BRINP1: variants seen among roughly 807,000 people sequenced by gnomAD.
BRINP1 encodes BMP/retinoic acid-inducible neural-specific protein 1.
Under a neutral mutation model 72.9 loss-of-function variants are expected in BRINP1, and 17 were observed. That is an observed-to-expected ratio of 0.23 (90% CI 0.16 to 0.35). BRINP1 has a LOEUF of 0.35. Among genes scored for constraint, BRINP1 ranks in the 10% least tolerant of loss-of-function variants. The pLI is 1.00. For missense variants in BRINP1, 850 were observed against 1,001.6 expected, an observed-to-expected ratio of 0.85 and a Z score of 2.04; for synonymous variants, 418 against 378.5, an observed-to-expected ratio of 1.10 and a Z score of -1.21.
chr9:119,247,334 T>A (rs531598566), intron 3 of BRINP1, among the ~76,000 whole-genome samples: 1 of 151,556 alleles, frequency 6.6e-6, no homozygotes, highest in African/African-American at 2.4e-5. Context: ...GGGTATTGGG[T>A]TGGTGGGGAA....
intron 7 of BRINP1, among the ~76,000 whole-genome samples, chr9:119,175,845 G>A (rs1190558783): frequency 6.6e-6 from 1 of 151,992 alleles, no homozygotes; most frequent in Non-Finnish European, 1.5e-5. Flanking sequence ...TTTTTACCCT[G>A]CACAGGGTAT....
intron 2 of BRINP1, among the ~76,000 whole-genome samples, chr9:119,256,650 C>T (rs1364118249): frequency 2.0e-5 from 3 of 152,196 alleles, no homozygotes; most frequent in African/African-American, 7.2e-5. Context: ...GTATAGGACA[C>T]ACTTATGATG....
At chr9:119,224,087 A>T (rs1199641586) in intron 5 of BRINP1, among the ~76,000 whole-genome samples, 5 of 152,046 alleles carry the variant, frequency 3.3e-5, no homozygotes, top group Non-Finnish European at 5.9e-5. Context: ...TTCATTTACC[A>T]CTTTATTAAG....
chr9:119,265,836 A>G (rs1830543686), intron 2 of BRINP1, among the ~76,000 whole-genome samples: 1 of 152,088 alleles, frequency 6.6e-6, no homozygotes, highest in South Asian at 2.1e-4. Flanking sequence ...CACCCAGGTA[A>G]TAAGCATAGT....
At chr9:119,312,358 C>A (rs551379185) in intron 2 of BRINP1, among the ~76,000 whole-genome samples, 1 of 152,160 alleles carries the variant, frequency 6.6e-6, no homozygotes, top group East Asian at 1.9e-4. Context: ...GAAATGAATT[C>A]TGTATAGGTC....
At chr9:119,306,176 GT>G (rs1482515481) in intron 2 of BRINP1, among the ~76,000 whole-genome samples, 4 of 152,186 alleles carry the variant, frequency 2.6e-5, no homozygotes, top group African/African-American at 9.7e-5. Flanking sequence ...GCTGACTATG[GT>G]TTGTAACTCA....
chr9:119,305,567 C>T (rs1303128724), intron 2 of BRINP1, among the ~76,000 whole-genome samples: 2 of 152,180 alleles, frequency 1.3e-5, no homozygotes, highest in African/African-American at 4.8e-5. Context: ...TGATAAGGTG[C>T]TTCTCTCCTC....
chr9:119,268,009 G>A (rs922585211), intron 2 of BRINP1, among the ~76,000 whole-genome samples: 7 of 152,132 alleles, frequency 4.6e-5, no homozygotes, highest in South Asian at 2.1e-4. Flanking sequence ...TTGGGAGGCC[G>A]AGACAGGTGG....
intron 2 of BRINP1, among the ~76,000 whole-genome samples, chr9:119,253,117 GT>G (rs1172474964): frequency 6.6e-6 from 1 of 152,146 alleles, no homozygotes; most frequent in Non-Finnish European, 1.5e-5. Context: ...CACGGACAGA[GT>G]TTTTTATCCC....
intron 2 of BRINP1, among the ~76,000 whole-genome samples, chr9:119,276,823 C>A (rs990911000): frequency 5.9e-5 from 9 of 152,128 alleles, no homozygotes; most frequent in African/African-American, 1.2e-4. Flanking sequence ...TTTCTACTCC[C>A]CTTTACTTCT....
intron 1 of BRINP1, among the ~76,000 whole-genome samples, chr9:119,334,707 G>C (rs1831331431): frequency 7.0e-6 from 1 of 143,150 alleles, no homozygotes; most frequent in Non-Finnish European, 1.5e-5. Flanking sequence ...TTCCTTCCAA[G>C]AATCATAGTA....
At chr9:119,304,087 C>T (rs2118986682) in intron 2 of BRINP1, among the ~76,000 whole-genome samples, 1 of 152,030 alleles carries the variant, frequency 6.6e-6, no homozygotes. Context: ...ACCATGTTGG[C>T]CAGTCCGGTC....
At chr9:119,259,870 G>A (rs1444117434) in intron 2 of BRINP1, among the ~76,000 whole-genome samples, 1 of 152,130 alleles carries the variant, frequency 6.6e-6, no homozygotes, top group Non-Finnish European at 1.5e-5. Context: ...CTCTGCCACA[G>A]TGCTTTGTTT....
intron 5 of BRINP1, among the ~76,000 whole-genome samples, chr9:119,218,661 G>A (rs559329027): frequency 4.6e-5 from 7 of 151,926 alleles, no homozygotes; most frequent in African/African-American, 1.7e-4. Context: ...TGACACACTC[G>A]AGGGTGACCT....
chr9:119,325,126 G>A (rs1831226818), intron 1 of BRINP1, among the ~76,000 whole-genome samples: 1 of 151,690 alleles, frequency 6.6e-6, no homozygotes, highest in African/African-American at 2.4e-5. Flanking sequence ...GAAAGAGAGA[G>A]AGAGAGAAAG....
At chr9:119,227,350 C>T (rs190818575) in intron 5 of BRINP1, among the ~76,000 whole-genome samples, 5 of 152,124 alleles carry the variant, frequency 3.3e-5, no homozygotes, top group East Asian at 3.9e-4. Context: ...TCATTCTATT[C>T]GGTTTCTGAT....
intron 5 of BRINP1, among the ~76,000 whole-genome samples, chr9:119,233,383 AAAC>A (rs1469297850): frequency 6.6e-6 from 1 of 152,198 alleles, no homozygotes; most frequent in Non-Finnish European, 1.5e-5. Flanking sequence ...TATAAAATAA[AAAC>A]AAGTTAAAAA....
At chr9:119,200,455 A>G (rs937007744) in intron 7 of BRINP1, among the ~76,000 whole-genome samples, 3 of 151,962 alleles carry the variant, frequency 2.0e-5, no homozygotes, top group African/African-American at 7.3e-5. Context: ...GGCTCTGGCT[A>G]TACAAAAAAA....
At chr9:119,310,508 T>C (rs1257676392) in intron 2 of BRINP1, among the ~76,000 whole-genome samples, 2 of 152,202 alleles carry the variant, frequency 1.3e-5, no homozygotes, top group African/African-American at 4.8e-5. Context: ...AGCCTCTGTG[T>C]ACAAATGCAG....
Sources: gnomAD v4.1 joint callset for allele counts (sites outside exome capture counted in the v4.1 genomes callset) on GRCh38, gnomAD v4.1.1 for gene constraint, MANE v1.5 for transcripts, NCBI Gene and HGNC (gene_info 2026-07-23, HGNC 2026-07-21) for gene names.